Variants in PTPDC1 observed in about 807,000 individuals in gnomAD.
The protein encoded by PTPDC1 is protein tyrosine phosphatase domain-containing protein 1.
PTPDC1 carries 53 observed loss-of-function variants against 75.3 expected under a neutral mutation model. The observed-to-expected ratio is 0.70, with a 90% CI of 0.56 to 0.88. The LOEUF (loss-of-function observed/expected upper bound fraction) is 0.88. PTPDC1 is among the 40% of genes least tolerant of loss of function. The pLI is 0.00. For synonymous variants in PTPDC1, 349 were observed against 366.2 expected (o/e 0.95, Z 0.54); for missense variants, 925 against 998.6 (o/e 0.93, Z 0.99).
chr9:94,067,537 C>T (rs1369715379), intron 2 of PTPDC1, among the ~76,000 whole-genome samples: 1 of 151,936 alleles, frequency 6.6e-6, no homozygotes, highest in Non-Finnish European at 1.5e-5. Flanking sequence ...TATAATTATA[C>T]ATGTATATAT....
At chr9:94,048,982 T>A (rs1347167551) in intron 1 of PTPDC1, among the ~76,000 whole-genome samples, 4 of 152,168 alleles carry the variant, frequency 2.6e-5, no homozygotes, top group African/African-American at 9.7e-5. Context: ...TTTCTTTTGA[T>A]CTTTGTTGGT....
At chr9:94,048,774 AT>A (rs1410109292) in intron 1 of PTPDC1, among the ~76,000 whole-genome samples, 1 of 152,046 alleles carries the variant, frequency 6.6e-6, no homozygotes, top group Admixed American at 6.6e-5. Context: ...AACTTTCTGT[AT>A]AGCTGATCTG....
chr9:94,071,538 C>T (rs1587869876), intron 2 of PTPDC1, among the ~76,000 whole-genome samples: 2 of 152,314 alleles, frequency 1.3e-5, no homozygotes, highest in South Asian at 2.1e-4. Context: ...CTTTTGCTGT[C>T]AAGTCTTCAG....
intron 4 of PTPDC1, among the ~76,000 whole-genome samples, chr9:94,091,524 G>C (rs1392033648): frequency 6.6e-6 from 1 of 152,114 alleles, no homozygotes; most frequent in Non-Finnish European, 1.5e-5. Context: ...TGTTCATCAA[G>C]GATATTGGTC....
At chr9:94,083,997 A>G (rs1423853002), upstream of PTPDC1, among the ~76,000 whole-genome samples, 1 of 152,258 alleles carries the variant, frequency 6.6e-6, no homozygotes, top group Non-Finnish European at 1.5e-5. Context: ...AAATTGGATG[A>G]TATTTTAATA....
chr9:94,101,733 A>G lies in PTPDC1; in HGVS notation c.2181A>G (p.Ala727=), dbSNP rs769468289. The stretch of plus-strand genomic sequence containing the variant: ...ACAGGCGAGCAGATGCCGCAGAAGC[A>G]CTTTTTTTATTAGAGAAGGTAAAGT... ...LVDRRADAAE[A]LFLLEKGQHQ... is the part of the protein sequence containing the mutation. Residue 727 remains alanine, a synonymous_variant, in exon 7 of 9, where the codon GCA becomes GCG. Coordinates refer to ENST00000620992, the MANE Select transcript of PTPDC1 (RefSeq NM_001253829.2). 5 of 1,610,716 alleles carry G rather than the reference A, an allele frequency of 3.1e-6. No individual in the cohort carries two copies. Among genetic ancestry groups the G allele is most frequent in the Admixed American group, 1.7e-5 (1 of 59,746 alleles).
intron 1 of PTPDC1, among the ~76,000 whole-genome samples, chr9:94,033,404 T>C (rs1170857139): frequency 6.6e-6 from 1 of 152,246 alleles, no homozygotes; most frequent in Non-Finnish European, 1.5e-5. Flanking sequence ...GAAAAAGTTG[T>C]ATTTCATTTT....
At chr9:94,054,458 C>G (rs1328317282) in intron 1 of PTPDC1, among the ~76,000 whole-genome samples, 1 of 152,118 alleles carries the variant, frequency 6.6e-6, no homozygotes, top group Non-Finnish European at 1.5e-5. Context: ...CTAATACGTG[C>G]CAACTCCTCT....
chr9:94,044,323 C>G (rs1825520915), intron 1 of PTPDC1, among the ~76,000 whole-genome samples: 1 of 152,146 alleles, frequency 6.6e-6, no homozygotes, highest in Non-Finnish European at 1.5e-5. Context: ...ACTTTAAGTT[C>G]CAGGGTACAT....
At chr9:94,043,647 C>G (rs185518785) in intron 1 of PTPDC1, among the ~76,000 whole-genome samples, 1 of 152,042 alleles carries the variant, frequency 6.6e-6, no homozygotes, top group Admixed American at 6.6e-5. Context: ...CCTGAGCCCA[C>G]GAGGTCAAGG....
rs1399566417 is a variant in PTPDC1, at chr9:94,088,035, G to A, written c.498-110G>A. On this transcript the variant is annotated intron_variant, in intron 3 of 8. Coordinates refer to ENST00000620992, the MANE Select transcript of PTPDC1 (RefSeq NM_001253829.2). ...AGGCAGTGAAGAGTGTATTTCAAATGAGAAATTAAGATTTTTGAGAGTAAT... is the reference window on the plus strand; with the variant it reads ...AGGCAGTGAAGAGTGTATTTCAAATAAGAAATTAAGATTTTTGAGAGTAAT... 25 of 1,468,330 alleles carry A rather than the reference G, an allele frequency of 1.7e-5. No homozygotes were observed. In the Admixed American group the frequency reaches 4.8e-4, roughly 28 times the overall value. 91.0% of individuals were successfully genotyped at this position (1,468,330 alleles called of 1,614,324 possible).
chr9:94,077,564 G>A (rs1464976633), intron 2 of PTPDC1, among the ~76,000 whole-genome samples: 3 of 152,204 alleles, frequency 2.0e-5, no homozygotes, highest in African/African-American at 7.2e-5. Context: ...ACAAAGGATG[G>A]AGATGAAGAG....
chr9:94,067,780 T>A (rs545496378), intron 2 of PTPDC1, among the ~76,000 whole-genome samples: 1 of 152,162 alleles, frequency 6.6e-6, no homozygotes. Context: ...TTTTGTTTTC[T>A]TAGTAGAGAC....
intron 8 of PTPDC1, among the ~76,000 whole-genome samples, chr9:94,107,214 A>G (rs1447756862): frequency 6.6e-6 from 1 of 152,190 alleles, no homozygotes. Flanking sequence ...TCGGCCTCCT[A>G]AAGTGCTGGG....
Position 94,048,973 on chromosome 9 carries a change from T to G in PTPDC1, c.-6-15761T>G, listed in dbSNP as rs558729210. ...ACCATTATGTAATGGCCTTCTTTGT[T>G]TCTTTTGATCTTTGTTGGTTTAAAG... On this transcript the variant is annotated intron_variant, in intron 1 of 9. Transcript: ENST00000375360. Among the ~76,000 whole-genome samples the G allele has an allele frequency of 1.1e-4, 16 of 152,222 alleles. No homozygotes were observed. The East Asian group carries it at 2.9e-3, about 28-fold the overall frequency.
chr9:94,099,553 T>C (rs1487935077), intron 6 of PTPDC1, among the ~76,000 whole-genome samples: 1 of 152,244 alleles, frequency 6.6e-6, no homozygotes, highest in Non-Finnish European at 1.5e-5. Context: ...AATTATATGA[T>C]GGGAGGAGAG....
intron 1 of PTPDC1, among the ~76,000 whole-genome samples, chr9:94,036,247 A>C (rs535416211): frequency 2.6e-5 from 4 of 152,050 alleles, no homozygotes; most frequent in Non-Finnish European, 5.9e-5. Context: ...ACATCCAAAA[A>C]ATTATTGCCA....
At chr9:94,042,794 TC>T (rs1685494104) in intron 1 of PTPDC1, among the ~76,000 whole-genome samples, 1 of 152,234 alleles carries the variant, frequency 6.6e-6, no homozygotes, top group Non-Finnish European at 1.5e-5. Context: ...CAGTGGAACT[TC>T]TTTCAAAACT....
At chr9:94,054,317 A>G (rs955110028) in intron 1 of PTPDC1, among the ~76,000 whole-genome samples, 1 of 152,192 alleles carries the variant, frequency 6.6e-6, no homozygotes, top group Admixed American at 6.5e-5. Context: ...TGCTGTATTG[A>G]GAATAGACTG....
Sources: gnomAD v4.1 joint callset for allele counts (sites outside exome capture counted in the v4.1 genomes callset) on GRCh38, gnomAD v4.1.1 for gene constraint, MANE v1.5 for transcripts, NCBI Gene and HGNC (gene_info 2026-07-23, HGNC 2026-07-21) for gene names.